RFC1: variants seen among roughly 807,000 people sequenced by gnomAD.
The protein encoded by RFC1 is replication factor C subunit 1.
In RFC1, 37 loss-of-function variants were observed where a neutral mutation model predicts 137.4. The observed-to-expected ratio is 0.27, with a 90% CI of 0.21 to 0.35. The LOEUF (loss-of-function observed/expected upper bound fraction) is 0.35, where lower values mean the gene tolerates loss of function less well. Ranked by LOEUF, RFC1 falls within the 10% of genes least tolerant of loss-of-function variation. The pLI, the probability that RFC1 is intolerant of heterozygous loss-of-function variation, is 1.00. For synonymous variants in RFC1, 429 were observed against 455.7 expected (o/e 0.94, Z 0.75); for missense variants, 1,205 against 1,358.5 (o/e 0.89, Z 1.78).
chr4:39,327,801 G>T (rs45478392), intron 4 of RFC1, 45 bp from the exon 5 acceptor site: 2 of 1,387,296 alleles, frequency 1.4e-6, no homozygotes, highest in Non-Finnish European at 1.9e-6. Flanking sequence ...ACATCAATTC[G>T]GTTATACAAA....
At chr4:39,301,849 G>A (rs952627722) in intron 19 of RFC1, among the ~76,000 whole-genome samples, 1 of 152,152 alleles carries the variant, frequency 6.6e-6, no homozygotes, top group Admixed American at 6.5e-5. Flanking sequence ...CTTAATCATT[G>A]CTCTAACTAT....
At chr4:39,319,449 C>A (rs749431688) in intron 9 of RFC1, among the ~76,000 whole-genome samples, 10 of 152,212 alleles carry the variant, frequency 6.6e-5, no homozygotes, top group Non-Finnish European at 1.5e-4. Context: ...AAATATCTCA[C>A]AGGGTTGTTG....
intron 1 of RFC1, among the ~76,000 whole-genome samples, chr4:39,356,178 A>C (rs1578173766): frequency 6.6e-6 from 1 of 152,110 alleles, no homozygotes; most frequent in South Asian, 2.1e-4. Context: ...AGGCGGGTGG[A>C]TTACGAGGTC....
chr4:39,308,189 G>T (rs573092179), intron 13 of RFC1, among the ~76,000 whole-genome samples: 1 of 152,210 alleles, frequency 6.6e-6, no homozygotes, highest in East Asian at 1.9e-4. Flanking sequence ...CAGGGGTCTT[G>T]CTGTCACATG....
intron 1 of RFC1, among the ~76,000 whole-genome samples, chr4:39,365,764 C>A (rs1445181076): frequency 6.6e-6 from 1 of 152,108 alleles, no homozygotes; most frequent in Non-Finnish European, 1.5e-5. Context: ...ATGAGACGAG[C>A]TGAGCTGTTA....
chr4:39,348,627 G>A (rs1025731718), intron 2 of RFC1, among the ~76,000 whole-genome samples: 13 of 151,908 alleles, frequency 8.6e-5, no homozygotes, highest in African/African-American at 1.2e-4. Context: ...TCAGACTTCT[G>A]AGATTCCAGT....
rs755117925 is a variant in RFC1 at position 39,291,733 on chromosome 4, T to C, written c.3074A>G (p.Asp1025Gly). Residue 1025 changes from aspartate to glycine, a missense_variant, in exon 23 of 25, where the codon GAC becomes GGC. By Grantham distance (94) the Asp-to-Gly change is moderately conservative. Transcript: ENST00000349703. ...DGVQDVVALM[D>G]TYYLMKEDFE... The stretch of plus-strand genomic sequence containing the variant: ...GTCTTCTTTCATCAAATAATATGTG[T>C]CCATAAGTGCAACAACATCCTGTAC... 6.2e-7 allele frequency: 1 copy of C among 1,613,930 alleles called. No individual in the cohort carries two copies. The highest frequency in any genetic ancestry group is 1.7e-5 in the Admixed American group (1 of 60,016).
Position 39,360,446 on chromosome 4 carries a change from G to C in RFC1, c.3+5793C>G, listed in dbSNP as rs549034880. The stretch of plus-strand genomic sequence containing the variant: ...TGAACCCAGGCAGCAGCGGTTGGCA[G>C]TGAGCCAAGGTCGCGCCACTGCACT... On this transcript the variant is annotated intron_variant, in intron 1 of 24. Coordinates refer to ENST00000349703, the MANE Select transcript of RFC1 (RefSeq NM_002913.5). 5.9e-5 allele frequency among the ~76,000 whole-genome samples: 9 copies of C among 152,124 alleles called. No homozygotes were observed. The East Asian group carries it at 1.7e-3, about 29-fold the overall frequency.
chr4:39,352,285 T>C (rs1741247987), intron 1 of RFC1, among the ~76,000 whole-genome samples: 3 of 152,198 alleles, frequency 2.0e-5, no homozygotes, highest in Non-Finnish European at 4.4e-5. Context: ...TTGTTTTCCT[T>C]TATATGATTT....
At chr4:39,305,602 T>C (rs1017437053) in intron 14 of RFC1, among the ~76,000 whole-genome samples, 1 of 151,972 alleles carries the variant, frequency 6.6e-6, no homozygotes, top group Non-Finnish European at 1.5e-5. Context: ...AGTAAAACTG[T>C]GTCTCAAAAC....
At chr4:39,307,994 C>T (rs1478831325) in intron 13 of RFC1, among the ~76,000 whole-genome samples, 1 of 152,126 alleles carries the variant, frequency 6.6e-6, no homozygotes, top group Non-Finnish European at 1.5e-5. Context: ...ACATTAAATA[C>T]ATATTGGAGC....
rs1737450930 is a variant in RFC1 at position 39,287,745 on chromosome 4, T to C, written c.*1016A>G. ...CACGGCCACTCAACACATACAGTTA[T>C]AGGAATAACCCAAACTTCCAACAGG... On this transcript the variant is annotated 3_prime_UTR_variant, in exon 25 of 25. Coordinates refer to ENST00000349703, the MANE Select transcript of RFC1 (RefSeq NM_002913.5). 1 of 152,164 alleles carries C rather than the reference T, an allele frequency of 6.6e-6. No homozygotes were observed. Among genetic ancestry groups the C allele is most frequent in the Admixed American group, 6.5e-5 (1 of 15,282 alleles). 9.4% of individuals were successfully genotyped at this position (152,164 alleles called of 1,614,324 possible).
intron 7 of RFC1, 98 bp downstream of exon 7, chr4:39,323,242 A>G: frequency 1.3e-6 from 1 of 755,896 alleles, no homozygotes; most frequent in East Asian, 3.0e-5. Context: ...TTCTTTCTGG[A>G]AAAGTTATTC....
chr4:39,304,885 C>T lies in RFC1; in HGVS notation c.2039G>A (p.Arg680Gln), dbSNP rs762579159. Residue 680 changes from arginine to glutamine, a missense_variant, in exon 15 of 25, where the codon CGG becomes CAG. Arg to Gln is a conservative substitution (Grantham distance 43, BLOSUM62 1). Coordinates refer to ENST00000349703, the MANE Select transcript of RFC1 (RefSeq NM_002913.5). Reference sequence around the variant, plus strand: ...AATCGCCTTCAAACTGCTCTTACTCCGGGTGTCACTTGCATTCAGTTCCAC... The same window carrying T: ...AATCGCCTTCAAACTGCTCTTACTCTGGGTGTCACTTGCATTCAGTTCCAC... ...SYVELNASDTRSKSSLKAIVA... is the reference protein window; with the variant it reads ...SYVELNASDTQSKSSLKAIVA... The T allele has an allele frequency of 6.2e-7, 1 of 1,613,324 alleles. No individual in the cohort carries two copies. Among genetic ancestry groups the T allele is most frequent in the Non-Finnish European group, 8.5e-7 (1 of 1,179,436 alleles).
At chr4:39,341,322 G>A (rs1485392445) in intron 4 of RFC1, among the ~76,000 whole-genome samples, 2 of 152,188 alleles carry the variant, frequency 1.3e-5, no homozygotes, top group South Asian at 2.1e-4. Flanking sequence ...AAGGTAGCCA[G>A]AGCTAAGAGG....
chr4:39,362,764 T>C (rs2109785434), intron 1 of RFC1, among the ~76,000 whole-genome samples: 1 of 152,172 alleles, frequency 6.6e-6, no homozygotes, highest in Middle Eastern at 3.4e-3. Context: ...TGCAAGGATG[T>C]GGAGGAAGAC....
At chr4:39,327,221 C>A (rs563063963) in intron 5 of RFC1, among the ~76,000 whole-genome samples, 1 of 152,244 alleles carries the variant, frequency 6.6e-6, no homozygotes, top group South Asian at 2.1e-4. Flanking sequence ...CTAATATTGA[C>A]TGGTTGAGGT....
chr4:39,312,682 G>A, intron 11 of RFC1, 70 bp downstream of exon 11: 1 of 1,342,818 alleles, frequency 7.4e-7, no homozygotes, highest in Non-Finnish European at 1.0e-6. Context: ...TGAGTAAAGG[G>A]CAAATCACAT....
chr4:39,338,626 GTGT>G (rs1241880204), intron 4 of RFC1, among the ~76,000 whole-genome samples: 1 of 152,118 alleles, frequency 6.6e-6, no homozygotes, highest in Non-Finnish European at 1.5e-5. Flanking sequence ...TTTGAAATCG[GTGT>G]TGTTAAAATA....
Sources: allele counts gnomAD v4.1 joint callset (sites outside exome capture counted in the v4.1 genomes callset), GRCh38; gene constraint gnomAD v4.1.1; transcripts MANE v1.5; gene names NCBI Gene and HGNC (gene_info 2026-07-23, HGNC 2026-07-21).